Variants in GOLGA6L10 observed in about 807,000 individuals in gnomAD.
GOLGA6L10 encodes golgin subfamily A member 6-like protein 10.
In GOLGA6L10, 4 loss-of-function variants were observed where a neutral mutation model predicts 56.9. The observed-to-expected ratio is 0.07, with a 90% CI of 0.03 to 0.16. GOLGA6L10 has a LOEUF of 0.16. GOLGA6L10 is among the 10% of genes least tolerant of loss of function. GOLGA6L10 has a pLI of 1.00. For missense variants in GOLGA6L10, 34 were observed against 558.3 expected (o/e 0.06, Z 9.46); for synonymous variants, 11 against 220.9 (o/e 0.05, Z 8.43).
In GOLGA6L10 at chr15:82,345,220, T is replaced by TATC; in HGVS notation, c.639_640insGAT (p.Glu213_Arg214insAsp). On this transcript the variant is annotated inframe_insertion, in exon 6 of 9. Coordinates refer to ENST00000610657, the MANE Select transcript of GOLGA6L10 (RefSeq NM_001164465.3). Reference sequence around the variant, plus strand: ...AGCCTCTCCTCCTGTTCATGTAGCCTCTCCTCCTGTTCATGTAGCCTCTCC... The same window carrying TATC: ...AGCCTCTCCTCCTGTTCATGTAGCCTATCCTCCTCCTGTTCATGTAGCCTCTCC... 6.3e-7 allele frequency: 1 copy of TATC among 1,574,914 alleles called. No individual in the cohort carries two copies. Among genetic ancestry groups the TATC allele is most frequent in the African/African-American group, 1.5e-5 (1 of 68,078 alleles).
rs2075635749 is a variant in GOLGA6L10, at chr15:82,340,327, G to C, written c.*2449C>G. ...TATTTGAAAGTGACTGTAAGATAAA[G>C]TTTTAGAGAATCTATTTTGGATAGG... is the stretch of plus-strand genomic sequence containing the variant. On this transcript the variant is annotated 3_prime_UTR_variant, in exon 9 of 9. Coordinates refer to ENST00000610657, the MANE Select transcript of GOLGA6L10 (RefSeq NM_001164465.3). 6.6e-6 allele frequency: 1 copy of C among 151,290 alleles called. No homozygotes were observed. Among genetic ancestry groups the C allele is most frequent in the Non-Finnish European group, 1.5e-5 (1 of 67,772 alleles). 9.4% of individuals were successfully genotyped at this position (151,290 alleles called of 1,614,324 possible). A position where few individuals can be genotyped will look rare whatever the true frequency, so the allele number is the denominator to read the frequency against.
At position 82,346,893 on chromosome 15, in the gene GOLGA6L10, G is replaced by A. The variant is rs2075689955; in HGVS notation, c.205-7C>T. On this transcript the variant is annotated splice_region_variant and splice_polypyrimidine_tract_variant and intron_variant, in intron 2 of 8. Coordinates refer to ENST00000610657, the MANE Select transcript of GOLGA6L10 (RefSeq NM_001164465.3). ...CGTAGATACCTGTTGCTGACTGCAA[G>A]AGATGAGAGTGCACATGGAGATGTT... 1.9e-6 allele frequency: 3 copies of A among 1,555,522 alleles called. No homozygotes were observed. The highest frequency in any genetic ancestry group is 2.6e-6 in the Non-Finnish European group (3 of 1,167,682).
At chr15:82,346,711 G>T (rs2075688559) in intron 3 of GOLGA6L10, 70 bp from the exon 4 acceptor site, 2 of 1,607,570 alleles carry the variant, frequency 1.2e-6, no homozygotes, top group African/African-American at 2.7e-5. Context: ...AATCATTAGG[G>T]CTGGTGGGGG....
At position 82,342,747 on chromosome 15, in the gene GOLGA6L10, T is replaced by A; in HGVS notation, c.*29A>T. ...ATATTAACCCCTTAAATGTTTTGTT[T>A]TTTTTTTTTTCAATTTCTTGACCCG... On this transcript the variant is annotated 3_prime_UTR_variant, in exon 9 of 9. Transcript: ENST00000610657. 6.2e-7 allele frequency: 1 copy of A among 1,601,114 alleles called. No homozygotes were observed.
At chr15:82,348,056 A>T (rs1320502160) in intron 1 of GOLGA6L10, among the ~76,000 whole-genome samples, 2 of 151,990 alleles carry the variant, frequency 1.3e-5, no homozygotes, top group Non-Finnish European at 2.9e-5. Flanking sequence ...TCATGGCAGA[A>T]GGCAGCTTTT....
At position 82,345,088 on chromosome 15, in the gene GOLGA6L10, G is replaced by T. The variant is rs201247185; in HGVS notation, c.772C>A (p.Arg258Ser). Residue 258 changes from arginine (R) to serine (S), a missense_variant, in exon 6 of 9, where the codon CGT becomes AGT. Arg to Ser is a moderately radical substitution (Grantham distance 110). Coordinates refer to ENST00000610657, the MANE Select transcript of GOLGA6L10 (RefSeq NM_001164465.3). ...TCACACAGCCTCTCCTCCTGTTCACGTAGCCTCTCCTCCTGTTCACACAGC... is the reference window on the plus strand; with the variant it reads ...TCACACAGCCTCTCCTCCTGTTCACTTAGCCTCTCCTCCTGTTCACACAGC... Reference protein sequence around the residue: ...ERLCEQEERLREQEERLCEQE... With the variant: ...ERLCEQEERLSEQEERLCEQE... 103 of 309,722 alleles carry T rather than the reference G, an allele frequency of 3.3e-4. No individual in the cohort carries two copies. The highest frequency in any genetic ancestry group is 6.2e-4 in the East Asian group (9 of 14,454). 19.2% of individuals were successfully genotyped at this position (309,722 alleles called of 1,614,324 possible). A position where few individuals can be genotyped will look rare whatever the true frequency, so the allele number is the denominator to read the frequency against.
Position 82,340,228 on chromosome 15 carries a change from G to A in GOLGA6L10, c.*2548C>T, listed in dbSNP as rs1169233357. The A allele has an allele frequency of 1.3e-5, 2 of 151,432 alleles. No individual in the cohort carries two copies. Among genetic ancestry groups the A allele is most frequent in the African/African-American group, 2.4e-5 (1 of 41,312 alleles). The allele number at this position is 151,432 out of a possible 1,614,324, so 9.4% of individuals were successfully genotyped here. On this transcript the variant is annotated 3_prime_UTR_variant, in exon 9 of 9. Coordinates refer to ENST00000610657, the MANE Select transcript of GOLGA6L10 (RefSeq NM_001164465.3). Reference sequence around the variant, plus strand: ...CCTTCCCCTAGATTCTTTGTTTTAAGCTACAGTATTCGTATTTTAAAATGT... The same window carrying A: ...CCTTCCCCTAGATTCTTTGTTTTAAACTACAGTATTCGTATTTTAAAATGT...
At chr15:82,348,136 G>A (rs1252425057) in intron 1 of GOLGA6L10, among the ~76,000 whole-genome samples, 7 of 152,156 alleles carry the variant, frequency 4.6e-5, no homozygotes, top group African/African-American at 1.4e-4. Context: ...TCTGGTATAC[G>A]CTTGGAAACC....
intron 7 of GOLGA6L10, among the ~76,000 whole-genome samples, chr15:82,343,611 AC>A (rs1348683439): frequency 5.5e-4 from 83 of 151,466 alleles, no homozygotes; most frequent in African/African-American, 1.9e-3. Flanking sequence ...TTGAATTATG[AC>A]CAGTGGAACC....
In GOLGA6L10 at chr15:82,342,243, T is replaced by C. The variant is rs2075644449; in HGVS notation, c.*533A>G. On this transcript the variant is annotated 3_prime_UTR_variant, in exon 9 of 9. Transcript: ENST00000610657. ...ACCGCGCACTTGAGGGCAAACCACATATTGAGCTAATGAAGAGCTCACTGT... is the reference window on the plus strand; with the variant it reads ...ACCGCGCACTTGAGGGCAAACCACACATTGAGCTAATGAAGAGCTCACTGT... The C allele has an allele frequency of 5.0e-6, 1 of 198,464 alleles. No individual in the cohort carries two copies. Among genetic ancestry groups the C allele is most frequent in the Non-Finnish European group, 1.0e-5 (1 of 98,040 alleles). 12.3% of individuals were successfully genotyped at this position (198,464 alleles called of 1,614,324 possible). A position where few individuals can be genotyped will look rare whatever the true frequency, so the allele number is the denominator to read the frequency against.
Position 82,342,000 on chromosome 15 carries a change from C to A in GOLGA6L10, c.*776G>T, listed in dbSNP as rs1203379994. 1.6e-5 allele frequency: 2 copies of A among 128,508 alleles called. No individual in the cohort carries two copies. The highest frequency in any genetic ancestry group is 3.2e-5 in the Non-Finnish European group (2 of 62,742). The allele number at this position is 128,508 out of a possible 1,614,324, so 8.0% of individuals were successfully genotyped here. On this transcript the variant is annotated 3_prime_UTR_variant, in exon 9 of 9. Transcript: ENST00000610657. ...TCCTAAGGGAACTACCGTAGTACAG[C>A]GCTCATTCTTGGCACCGGAACAAAT...
At position 82,340,023 on chromosome 15, in the gene GOLGA6L10, C is replaced by T. The variant is rs1173161451; in HGVS notation, c.*2753G>A. 2 of 151,246 alleles carry T rather than the reference C, an allele frequency of 1.3e-5. No individual in the cohort carries two copies. The highest frequency in any genetic ancestry group is 2.1e-4 in the South Asian group (1 of 4,780). 9.4% of individuals were successfully genotyped at this position (151,246 alleles called of 1,614,324 possible). A position where few individuals can be genotyped will look rare whatever the true frequency, so the allele number is the denominator to read the frequency against. ...AGGCAAAACAGCACCTTGAAACAAT[C>T]TAATAATTTATTACATTACAGTAGC... On this transcript the variant is annotated 3_prime_UTR_variant, in exon 9 of 9. Transcript: ENST00000610657.
chr15:82,343,869 T>C (rs1468316293), intron 7 of GOLGA6L10, among the ~76,000 whole-genome samples: 1 of 144,980 alleles, frequency 6.9e-6, no homozygotes, highest in Non-Finnish European at 1.5e-5. Context: ...AGATGAGCTT[T>C]CACCATGTTG....
chr15:82,348,200 G>A (rs2075699388), intron 1 of GOLGA6L10, among the ~76,000 whole-genome samples: 1 of 152,138 alleles, frequency 6.6e-6, no homozygotes, highest in African/African-American at 2.4e-5. Flanking sequence ...AGAATCAAGG[G>A]AAAATGATGC....
chr15:82,340,497 CT>C lies in GOLGA6L10; in HGVS notation c.*2278del, dbSNP rs1327493758. 1 of 150,872 alleles carries C rather than the reference CT, an allele frequency of 6.6e-6. No homozygotes were observed. The highest frequency in any genetic ancestry group is 1.5e-5 in the Non-Finnish European group (1 of 67,710). 9.3% of individuals were successfully genotyped at this position (150,872 alleles called of 1,614,324 possible). ...CAGTCTTTAAATAGGTATTTTGATT[CT>C]TTACTTCCTACAGAAATTCAAATTT... is the stretch of plus-strand genomic sequence containing the variant. On this transcript the variant is annotated 3_prime_UTR_variant, in exon 9 of 9. Coordinates refer to ENST00000610657, the MANE Select transcript of GOLGA6L10 (RefSeq NM_001164465.3).
Position 82,347,498 on chromosome 15 carries a change from G to C in GOLGA6L10, c.204+12C>G, listed in dbSNP as rs1295919031. On this transcript the variant is annotated intron_variant, in intron 2 of 8. Transcript: ENST00000610657. ...CCCCCTGTCCCCAGGAGCCTGGCCCGCCGAGACTCACATCCCCAGGTGAGT... is the reference window on the plus strand; with the variant it reads ...CCCCCTGTCCCCAGGAGCCTGGCCCCCCGAGACTCACATCCCCAGGTGAGT... 6.2e-7 allele frequency: 1 copy of C among 1,605,418 alleles called. No homozygotes were observed. The highest frequency in any genetic ancestry group is 8.5e-7 in the Non-Finnish European group (1 of 1,176,710).
chr15:82,347,663 A>G, intron 1 of GOLGA6L10, 34 bp from the exon 2 acceptor site: 1 of 1,605,022 alleles, frequency 6.2e-7, no homozygotes, highest in Non-Finnish European at 8.5e-7. Context: ...ACTCATGAGA[A>G]TGATCAGCCC....
At chr15:82,347,461 C>T (rs2075693445) in intron 2 of GOLGA6L10, 49 bp downstream of exon 2, 1 of 1,605,724 alleles carries the variant, frequency 6.2e-7, no homozygotes, top group South Asian at 1.1e-5. Context: ...TTACCCTCTA[C>T]TGCCCCTTGG....
Position 82,340,799 on chromosome 15 carries a change from A to T in GOLGA6L10, c.*1977T>A, listed in dbSNP as rs1183575750. Reference sequence around the variant, plus strand: ...TTAATATAGTACATTTATTTTTCAGACTGACATTCAGCTTAAATATGCCAG... The same window carrying T: ...TTAATATAGTACATTTATTTTTCAGTCTGACATTCAGCTTAAATATGCCAG... On this transcript the variant is annotated 3_prime_UTR_variant, in exon 9 of 9. Transcript: ENST00000610657. The T allele has an allele frequency of 6.7e-6, 1 of 150,194 alleles. No individual in the cohort carries two copies. The highest frequency in any genetic ancestry group is 2.4e-5 in the African/African-American group (1 of 40,994). 9.3% of individuals were successfully genotyped at this position (150,194 alleles called of 1,614,324 possible).
Sources: gnomAD v4.1 joint callset for allele counts (sites outside exome capture counted in the v4.1 genomes callset) on GRCh38, gnomAD v4.1.1 for gene constraint, MANE v1.5 for transcripts, NCBI Gene and HGNC (gene_info 2026-07-23, HGNC 2026-07-21) for gene names.